DDX52: variants seen among roughly 807,000 people sequenced by gnomAD.
The protein encoded by DDX52 is DExD-box helicase 52, also known as probable ATP-dependent RNA helicase DDX52.
In DDX52, 59 loss-of-function variants were observed where a neutral mutation model predicts 76.1. The observed-to-expected ratio is 0.78, with a 90% CI of 0.63 to 0.96. DDX52 has a LOEUF of 0.96. DDX52 is among the 40% of genes least tolerant of loss of function. DDX52 has a pLI of 0.00. For missense variants in DDX52, 707 were observed against 703.9 expected, an observed-to-expected ratio of 1.00 and a Z score of -0.05; for synonymous variants, 231 against 244.1, an observed-to-expected ratio of 0.95 and a Z score of 0.50.
chr17:37,636,075 C>A (rs2030909327), intron 2 of DDX52, among the ~76,000 whole-genome samples: 1 of 152,036 alleles, frequency 6.6e-6, no homozygotes, highest in Non-Finnish European at 1.5e-5. Flanking sequence ...TTAATGTTAT[C>A]TTTTGAAGAA....
intron 2 of DDX52, among the ~76,000 whole-genome samples, chr17:37,634,920 C>G (rs1184290431): frequency 6.6e-6 from 1 of 151,228 alleles, no homozygotes; most frequent in Non-Finnish European, 1.5e-5. Flanking sequence ...TGATTATCAG[C>G]CTCCCGAGTA....
intron 5 of DDX52, 57 bp downstream of exon 5, chr17:37,629,973 A>C: frequency 6.4e-7 from 1 of 1,555,966 alleles, no homozygotes; most frequent in Middle Eastern, 1.7e-4. Context: ...CCTTCAAATA[A>C]GAAAGATCAC....
chr17:37,616,606 G>A (rs540701210), intron 14 of DDX52, among the ~76,000 whole-genome samples: 1 of 151,282 alleles, frequency 6.6e-6, no homozygotes, highest in Non-Finnish European at 1.5e-5. Context: ...AGTGAGCCGA[G>A]ATTGCGACAC....
At chr17:37,636,195 T>C (rs910324496) in intron 2 of DDX52, among the ~76,000 whole-genome samples, 1 of 152,372 alleles carries the variant, frequency 6.6e-6, no homozygotes, top group South Asian at 2.1e-4. Context: ...CAAAGATTTT[T>C]TTCCTGTTTT....
intron 6 of DDX52, 106 bp from the exon 7 acceptor site, chr17:37,626,966 T>C (rs1403243053): frequency 1.2e-6 from 1 of 834,162 alleles, no homozygotes; most frequent in Admixed American, 2.6e-5. Flanking sequence ...TGGGAAGTAG[T>C]CATAGCCAAC....
At chr17:37,629,935 G>A in intron 5 of DDX52, 95 bp downstream of exon 5, 3 of 1,503,168 alleles carry the variant, frequency 2.0e-6, no homozygotes, top group Non-Finnish European at 2.7e-6. Flanking sequence ...AGAAGACGTG[G>A]GCCTTGCTTT....
intron 2 of DDX52, among the ~76,000 whole-genome samples, chr17:37,636,897 G>T (rs1341522403): frequency 1.3e-5 from 2 of 152,168 alleles, no homozygotes; most frequent in African/African-American, 4.8e-5. Flanking sequence ...ACAGACATCT[G>T]AGTGTATATA....
rs1453384097 is a variant in DDX52, at chr17:37,638,189, C to T, written c.286+3921G>A. Among the ~76,000 whole-genome samples the T allele has an allele frequency of 2.0e-5, 3 of 152,202 alleles. No homozygotes were observed. The South Asian group carries it at 6.2e-4, about 31-fold the overall frequency. ...CAACAGGTTTTTTGGATGCTCAAGG[C>T]ACTTCACTTGTTGACTTTCTGGAAG... On this transcript the variant is annotated intron_variant, in intron 2 of 14. Transcript: ENST00000617633.
Position 37,614,037 on chromosome 17 carries a change from AG to A in DDX52, c.*258del. ...CAGTTACTCAGGAGGCTAAGGCAGGAGGATTGTGTGAGGTCAGGAGTTCAAG... is the reference window on the plus strand; with the variant it reads ...CAGTTACTCAGGAGGCTAAGGCAGGAGATTGTGTGAGGTCAGGAGTTCAAG... On this transcript the variant is annotated 3_prime_UTR_variant, in exon 15 of 15. Coordinates refer to ENST00000617633, the MANE Select transcript of DDX52 (RefSeq NM_007010.5). The A allele has an allele frequency of 2.6e-6, 1 of 380,098 alleles. No homozygotes were observed. The highest frequency in any genetic ancestry group is 5.6e-5 in the South Asian group (1 of 18,006). 23.5% of individuals were successfully genotyped at this position (380,098 alleles called of 1,614,324 possible). A position where few individuals can be genotyped will look rare whatever the true frequency, so the allele number is the denominator to read the frequency against.
chr17:37,640,746 G>C (rs2031154854), intron 2 of DDX52, among the ~76,000 whole-genome samples: 1 of 149,840 alleles, frequency 6.7e-6, no homozygotes, highest in Non-Finnish European at 1.5e-5. Flanking sequence ...CCAGCACTTT[G>C]GGAGGTCGAG....
At chr17:37,639,151 A>G (rs939166434) in intron 2 of DDX52, among the ~76,000 whole-genome samples, 10 of 152,212 alleles carry the variant, frequency 6.6e-5, no homozygotes, top group African/African-American at 9.7e-5. Context: ...ATCTGGAAAC[A>G]TATTTGTAAA....
At chr17:37,618,777 G>A (rs975657278) in intron 13 of DDX52, among the ~76,000 whole-genome samples, 5 of 152,058 alleles carry the variant, frequency 3.3e-5, no homozygotes, top group Non-Finnish European at 7.4e-5. Context: ...GAGCTACCAC[G>A]CTCAGCCACA....
intron 2 of DDX52, among the ~76,000 whole-genome samples, chr17:37,637,177 G>A (rs796350227): frequency 1.5e-4 from 23 of 152,192 alleles, no homozygotes; most frequent in African/African-American, 5.3e-4. Flanking sequence ...CCAGGCTGGA[G>A]TGCAGTGGTG....
At position 37,621,568 on chromosome 17, in the gene DDX52, T is replaced by C. The variant is rs552907858; in HGVS notation, c.1228-48A>G. On this transcript the variant is annotated intron_variant, in intron 9 of 14. Transcript: ENST00000617633. ...ATACATAACTCAATCAAGAATACAA[T>C]TGGTCATTATTTCATAATTTGATTG... 29 of 1,558,384 alleles carry C rather than the reference T, an allele frequency of 1.9e-5. No individual in the cohort carries two copies. The South Asian group carries it at 2.7e-4, about 14-fold the overall frequency.
At chr17:37,618,841 A>AAT (rs1461190193) in intron 13 of DDX52, among the ~76,000 whole-genome samples, 1 of 152,210 alleles carries the variant, frequency 6.6e-6, no homozygotes, top group Non-Finnish European at 1.5e-5. Context: ...TAACTACTTT[A>AAT]ATAAACGAGA....
chr17:37,637,735 C>T (rs916183685), intron 2 of DDX52, among the ~76,000 whole-genome samples: 6 of 151,722 alleles, frequency 4.0e-5, no homozygotes, highest in African/African-American at 9.7e-5. Context: ...CCACCACGCC[C>T]GGCTAATTTT....
Position 37,630,126 on chromosome 17 carries a change from T to C in DDX52, c.651A>G (p.Leu217=), listed in dbSNP as rs373119975. ...GCATTAAAATAGGAATGCTAAAAGC[T>C]AATGTTTTTCCAGATCCAGTTGGAG... ...ASAPTGSGKT[L]AFSIPILMQL... is the part of the protein sequence containing the mutation. Residue 217 remains leucine (L), a synonymous_variant, in exon 5 of 15, where the codon TTA becomes TTG. Transcript: ENST00000617633. 6.2e-6 allele frequency: 10 copies of C among 1,613,946 alleles called. No homozygotes were observed. Among genetic ancestry groups the C allele is most frequent in the African/African-American group, 2.7e-5 (2 of 75,038 alleles).
At position 37,611,004 on chromosome 17, in the gene DDX52, A is replaced by T. The variant is rs2064339716; in HGVS notation, c.*3292T>A. On this transcript the variant is annotated 3_prime_UTR_variant, in exon 15 of 15. Transcript: ENST00000617633. ...TTAAACAGACACAATAAAGTCAAGG[A>T]TCATAGATGTGACCTCAGTTTGTCC... 1 of 152,254 alleles carries T rather than the reference A, an allele frequency of 6.6e-6. No individual in the cohort carries two copies. The highest frequency in any genetic ancestry group is 1.5e-5 in the Non-Finnish European group (1 of 68,052). The allele number at this position is 152,254 out of a possible 1,614,324, so 9.4% of individuals were successfully genotyped here.
At chr17:37,618,864 A>G (rs570752094) in intron 13 of DDX52, among the ~76,000 whole-genome samples, 2 of 152,298 alleles carry the variant, frequency 1.3e-5, no homozygotes, top group East Asian at 3.9e-4. Context: ...GCCTAATAGG[A>G]TTTACAGAGC....
Sources: allele counts gnomAD v4.1 joint callset (sites outside exome capture counted in the v4.1 genomes callset), GRCh38; gene constraint gnomAD v4.1.1; transcripts MANE v1.5; gene names NCBI Gene and HGNC (gene_info 2026-07-23, HGNC 2026-07-21).